The following OR2C3 variants were observed in gnomAD, a reference collection of about 807,000 sequenced individuals.
OR2C3 encodes olfactory receptor family 2 subfamily C member 3, also known as olfactory receptor 2C3.
For synonymous variants in OR2C3, 178 were observed against 163.4 expected, an observed-to-expected ratio of 1.09 and a Z score of -0.68; for missense variants, 425 against 401.5, an observed-to-expected ratio of 1.06 and a Z score of -0.50.
chr1:247,526,889 T>C lies in OR2C3; in HGVS notation c.*4660A>G. 1 of 445,054 alleles carries C rather than the reference T, an allele frequency of 2.2e-6. No homozygotes were observed. The highest frequency in any genetic ancestry group is 4.5e-6 in the Non-Finnish European group (1 of 222,212). The allele number at this position is 445,054 out of a possible 1,614,324, so 27.6% of individuals were successfully genotyped here. ...TCATTTACTATAACTTAAATCCAAG[T>C]AAGATGGGACTTCCCTCTATTTAGA... is the stretch of plus-strand genomic sequence containing the variant. On this transcript the variant is annotated 3_prime_UTR_variant, in exon 3 of 3. Transcript: ENST00000641802. The surrounding 1 kb of genome is among the most constrained non-coding windows in gnomAD (Gnocchi z 4.8).
At chr1:247,535,639 A>G (rs896161080) in intron 1 of OR2C3, among the ~76,000 whole-genome samples, 1 of 152,262 alleles carries the variant, frequency 6.6e-6, no homozygotes, top group African/African-American at 2.4e-5. Context: ...AAGGTCACTC[A>G]TGAGGTAATA....
At chr1:247,535,034 G>A (rs1253841076) in intron 1 of OR2C3, among the ~76,000 whole-genome samples, 5 of 152,142 alleles carry the variant, frequency 3.3e-5, no homozygotes, top group Admixed American at 1.3e-4. Context: ...GAGGCAAGCC[G>A]GGGGCGGTGG....
Position 247,530,516 on chromosome 1 carries a change from A to AACCC in OR2C3, c.*1032_*1033insGGGT, listed in dbSNP as rs753278779. On this transcript the variant is annotated 3_prime_UTR_variant, in exon 3 of 3. Coordinates refer to ENST00000641802, the MANE Select transcript of OR2C3 (RefSeq NM_198074.6). ...TGAACCAGTCCACAAACACCATGCC[A>AACCC]TCCCCCCCCCACAAAATAACATTTC... 2.0e-4 allele frequency: 12 copies of AACCC among 58,556 alleles called. No homozygotes were observed. Among genetic ancestry groups the AACCC allele is most frequent in the South Asian group, 1.3e-3 (1 of 754 alleles). The allele number at this position is 58,556 out of a possible 1,614,324, so 3.6% of individuals were successfully genotyped here. A position where few individuals can be genotyped will look rare whatever the true frequency, so the allele number is the denominator to read the frequency against.
In OR2C3 at chr1:247,533,672, T is replaced by C. The variant is rs915684993; in HGVS notation, c.-195A>G. 1 of 152,238 alleles carries C rather than the reference T, an allele frequency of 6.6e-6. No homozygotes were observed. The highest frequency in any genetic ancestry group is 2.4e-5 in the African/African-American group (1 of 41,456). The allele number at this position is 152,238 out of a possible 1,614,324, so 9.4% of individuals were successfully genotyped here. A position where few individuals can be genotyped will look rare whatever the true frequency, so the allele number is the denominator to read the frequency against. ...AGATCATGCCCTTCATGTTCAATCA[T>C]ATTTCTACATGGCTGTCCATATGGC... On this transcript the variant is annotated 5_prime_UTR_variant, in exon 2 of 3. It adds an upstream start codon to the 5' untranslated region. Coordinates refer to ENST00000641802, the MANE Select transcript of OR2C3 (RefSeq NM_198074.6).
Position 247,531,944 on chromosome 1 carries a change from A to G in OR2C3, c.568T>C (p.Cys190Arg), listed in dbSNP as rs1666986487. The change falls in exon 3 of 3, where the codon TGT becomes CGT. Residue 190 changes from cysteine (C) to arginine (R), a missense_variant. Coordinates refer to ENST00000641802, the MANE Select transcript of OR2C3 (RefSeq NM_198074.6). Reference sequence around the variant, plus strand: ...ATCTCATTGAGGCTGGTATCCACACAAGCCAGTTGCATAATGAGGGGCATC... The same window carrying G: ...ATCTCATTGAGGCTGGTATCCACACGAGCCAGTTGCATAATGAGGGGCATC... Reference protein sequence around the residue: ...CEMPLIMQLACVDTSLNEMEM... With the variant: ...CEMPLIMQLARVDTSLNEMEM... 1 of 1,614,148 alleles carries G rather than the reference A, an allele frequency of 6.2e-7. No individual in the cohort carries two copies. The highest frequency in any genetic ancestry group is 1.3e-5 in the African/African-American group (1 of 75,044).
In OR2C3 at chr1:247,531,792, G is replaced by A. The variant is rs1666973993; in HGVS notation, c.720C>T (p.Asn240=). ...RSAEGRRKAF[N]TCSSHVAVVS... ...CCACAGCCACGTGGGAAGAACAGGTGTTGAATGCCTTTCTCCGCCCTTCTG... is the reference window on the plus strand; with the variant it reads ...CCACAGCCACGTGGGAAGAACAGGTATTGAATGCCTTTCTCCGCCCTTCTG... The change falls in exon 3 of 3, where the codon AAC becomes AAT. Residue 240 remains asparagine (N), a synonymous_variant. Coordinates refer to ENST00000641802, the MANE Select transcript of OR2C3 (RefSeq NM_198074.6). 1 of 1,614,190 alleles carries A rather than the reference G, an allele frequency of 6.2e-7. No homozygotes were observed. The highest frequency in any genetic ancestry group is 8.5e-7 in the Non-Finnish European group (1 of 1,180,028).
At position 247,532,361 on chromosome 1, in the gene OR2C3, G is replaced by A. The variant is rs1447721619; in HGVS notation, c.151C>T (p.His51Tyr). The change falls in exon 3 of 3, where the codon CAT becomes TAT. Residue 51 changes from histidine (H) to tyrosine (Y), a missense_variant. His to Tyr is a moderately conservative substitution (Grantham distance 83, BLOSUM62 2). Transcript: ENST00000641802. Reference protein sequence around the residue: ...LGNGIIILVSHTDVHLHTPMY... With the variant: ...LGNGIIILVSYTDVHLHTPMY... ...GGTGTGTGGAGGTGCACATCTGTATGGGAGACCAGAATGATGATGCCATTG... is the reference window on the plus strand; with the variant it reads ...GGTGTGTGGAGGTGCACATCTGTATAGGAGACCAGAATGATGATGCCATTG... 1 of 1,614,018 alleles carries A rather than the reference G, an allele frequency of 6.2e-7. No homozygotes were observed. The highest frequency in any genetic ancestry group is 2.2e-5 in the East Asian group (1 of 44,876).
intron 1 of OR2C3, among the ~76,000 whole-genome samples, chr1:247,535,128 C>T (rs149075592): frequency 3.3e-5 from 5 of 152,094 alleles, no homozygotes; most frequent in Admixed American, 6.6e-5. Context: ...GCTTGGGCAA[C>T]ATAGTGAGAG....
rs1327784801 is a variant in OR2C3 at position 247,532,277 on chromosome 1, C to T, written c.235G>A (p.Val79Ile). Residue 79 changes from valine to isoleucine, a missense_variant, in exon 3 of 3, where the codon GTC (valine) becomes ATC (isoleucine). Physicochemically the swap from Val to Ile is conservative, Grantham distance 29. Coordinates refer to ENST00000641802, the MANE Select transcript of OR2C3 (RefSeq NM_198074.6). ...FLDMSFTTSI[V>I]PQLLANLWGP... ...CAGAGGTTAGCCAGGAGCTGTGGGA[C>T]AATGCTCGTGGTGAAGCTCATGTCC... is the stretch of plus-strand genomic sequence containing the variant. 1 of 1,614,050 alleles carries T rather than the reference C, an allele frequency of 6.2e-7. No homozygotes were observed. Among genetic ancestry groups the T allele is most frequent in the Non-Finnish European group, 8.5e-7 (1 of 1,180,046 alleles).
At position 247,532,091 on chromosome 1, in the gene OR2C3, G is replaced by C; in HGVS notation, c.421C>G (p.Leu141Val). Residue 141 changes from leucine (L) to valine (V), a missense_variant, in exon 3 of 3, where the codon CTT becomes GTT. Leu to Val is a conservative substitution (Grantham distance 32). Transcript: ENST00000641802. The part of the protein sequence containing the change: ...LHYTVIMHPQ[L>V]CLGLALASWL... ...GAGGCCAAAGCTAGCCCAAGGCAAAGCTGTGGATGCATAATGACAGTGTAA... is the reference window on the plus strand; with the variant it reads ...GAGGCCAAAGCTAGCCCAAGGCAAACCTGTGGATGCATAATGACAGTGTAA... 4 of 1,614,082 alleles carry C rather than the reference G, an allele frequency of 2.5e-6. No homozygotes were observed. The highest frequency in any genetic ancestry group is 2.5e-6 in the Non-Finnish European group (3 of 1,179,970).
chr1:247,535,809 G>A (rs1360486612), intron 1 of OR2C3, among the ~76,000 whole-genome samples: 2 of 152,160 alleles, frequency 1.3e-5, no homozygotes, highest in Non-Finnish European at 2.9e-5. Context: ...TTTCAGTAAA[G>A]GAAGAGGTTT....
chr1:247,531,317 A>G lies in OR2C3; in HGVS notation c.*232T>C. ...TTTACAAAACAAGATGACAGTCAAC[A>G]TGTGTATATATAGCAAAAACCAACA... is the stretch of plus-strand genomic sequence containing the variant. On this transcript the variant is annotated 3_prime_UTR_variant, in exon 3 of 3. Coordinates refer to ENST00000641802, the MANE Select transcript of OR2C3 (RefSeq NM_198074.6). 1.8e-6 allele frequency: 1 copy of G among 552,448 alleles called. No homozygotes were observed. Among genetic ancestry groups the G allele is most frequent in the Non-Finnish European group, 3.2e-6 (1 of 312,474 alleles). The allele number at this position is 552,448 out of a possible 1,614,324, so 34.2% of individuals were successfully genotyped here. A position where few individuals can be genotyped will look rare whatever the true frequency, so the allele number is the denominator to read the frequency against.
In OR2C3 at chr1:247,531,818, C is replaced by T. The variant is rs1666975944; in HGVS notation, c.694G>A (p.Ala232Thr). 4 of 1,614,076 alleles carry T rather than the reference C, an allele frequency of 2.5e-6. No homozygotes were observed. The highest frequency in any genetic ancestry group is 2.5e-6 in the Non-Finnish European group (3 of 1,180,046). ...TTGAATGCCTTTCTCCGCCCTTCTG[C>T]TGACCTGATCTTCAACACGGCCCGG... ...IARAVLKIRS[A>T]EGRRKAFNTC... Residue 232 changes from alanine to threonine, a missense_variant, in exon 3 of 3, where the codon GCA (alanine) becomes ACA (threonine). Physicochemically the swap from Ala to Thr is moderately conservative, Grantham distance 58 (BLOSUM62 0). Coordinates refer to ENST00000641802, the MANE Select transcript of OR2C3 (RefSeq NM_198074.6).
rs1305984879 is a variant in OR2C3, at chr1:247,525,899, A to T, written c.*5650T>A. 1 of 152,214 alleles carries T rather than the reference A, an allele frequency of 6.6e-6. No homozygotes were observed. The highest frequency in any genetic ancestry group is 1.5e-5 in the Non-Finnish European group (1 of 68,040). The allele number at this position is 152,214 out of a possible 1,614,324, so 9.4% of individuals were successfully genotyped here. On this transcript the variant is annotated 3_prime_UTR_variant, in exon 3 of 3. Transcript: ENST00000641802. ...TTAACATACAAGTACCACTTTAAGG[A>T]ATCCAAGGATTTTAGTAGTTGTATG...
In OR2C3 at chr1:247,531,341, C is replaced by T. The variant is rs1666943119; in HGVS notation, c.*208G>A. ...CATGTGTATATATAGCAAAAACCAACAACGCAATTGAACAAAACTATGATA... is the reference window on the plus strand; with the variant it reads ...CATGTGTATATATAGCAAAAACCAATAACGCAATTGAACAAAACTATGATA... On this transcript the variant is annotated 3_prime_UTR_variant, in exon 3 of 3. Transcript: ENST00000641802. 2 of 593,444 alleles carry T rather than the reference C, an allele frequency of 3.4e-6. No individual in the cohort carries two copies. Among genetic ancestry groups the T allele is most frequent in the Non-Finnish European group, 5.9e-6 (2 of 338,228 alleles). 36.8% of individuals were successfully genotyped at this position (593,444 alleles called of 1,614,324 possible). A position where few individuals can be genotyped will look rare whatever the true frequency, so the allele number is the denominator to read the frequency against.
chr1:247,532,312 A>G lies in OR2C3; in HGVS notation c.200T>C (p.Leu67Pro). The change falls in exon 3 of 3, where the codon CTC becomes CCC. Residue 67 changes from leucine (L) to proline (P), a missense_variant. Transcript: ENST00000641802. ...GGTGAAGCTCATGTCCAGGAAGGGG[A>G]GGTTGGCAAGAAAGAAGTACATAGG... ...HTPMYFFLAN[L>P]PFLDMSFTTS... The G allele has an allele frequency of 6.2e-7, 1 of 1,614,132 alleles. No homozygotes were observed. The highest frequency in any genetic ancestry group is 8.5e-7 in the Non-Finnish European group (1 of 1,180,020).
rs1368448750 is a variant in OR2C3, at chr1:247,527,097, G to C, written c.*4452C>G. ...AGTGTATTTCCTTGGGTTCTGGAGA[G>C]GATGTCTTCATTTTCTGTTAAGCAT... On this transcript the variant is annotated 3_prime_UTR_variant, in exon 3 of 3. Transcript: ENST00000641802. The surrounding 1 kb of genome is among the most constrained non-coding windows in gnomAD (Gnocchi z 4.6). The C allele has an allele frequency of 4.4e-6, 2 of 455,922 alleles. No homozygotes were observed. Among genetic ancestry groups the C allele is most frequent in the African/African-American group, 4.0e-5 (2 of 50,024 alleles). The allele number at this position is 455,922 out of a possible 1,614,324, so 28.2% of individuals were successfully genotyped here.
rs1049872465 is a variant in OR2C3, at chr1:247,525,452, G to A, written c.*6097C>T. ...CTGGGTTACCACAGCCCCCTTCTTG[G>A]GTTCAATTAATTTGCTAGAGCAGCC... On this transcript the variant is annotated 3_prime_UTR_variant, in exon 3 of 3. Transcript: ENST00000641802. The A allele has an allele frequency of 6.6e-6, 1 of 152,208 alleles. No homozygotes were observed. The highest frequency in any genetic ancestry group is 2.4e-5 in the African/African-American group (1 of 41,448). 9.4% of individuals were successfully genotyped at this position (152,208 alleles called of 1,614,324 possible). A position where few individuals can be genotyped will look rare whatever the true frequency, so the allele number is the denominator to read the frequency against.
rs1666697060 is a variant in OR2C3 at position 247,526,744 on chromosome 1, T to C, written c.*4805A>G. On this transcript the variant is annotated 3_prime_UTR_variant, in exon 3 of 3. Coordinates refer to ENST00000641802, the MANE Select transcript of OR2C3 (RefSeq NM_198074.6). This position sits in a 1 kb window ranked among gnomAD's most constrained non-coding sequence, Gnocchi z 4.8. ...TGTGAGAAGCCATCAAAGCCTATGG[T>C]TGCTGCAAGAGGAATAAAAGAAAAG... 8.4e-6 allele frequency: 3 copies of C among 358,468 alleles called. No individual in the cohort carries two copies. Among genetic ancestry groups the C allele is most frequent in the Non-Finnish European group, 1.6e-5 (3 of 184,316 alleles). The allele number at this position is 358,468 out of a possible 1,614,324, so 22.2% of individuals were successfully genotyped here. A position where few individuals can be genotyped will look rare whatever the true frequency, so the allele number is the denominator to read the frequency against.
Sources: gnomAD v4.1 joint callset for allele counts (sites outside exome capture counted in the v4.1 genomes callset) on GRCh38, gnomAD v4.1.1 for gene constraint, Gnocchi (gnomAD v3.1) non-coding constraint, MANE v1.5 for transcripts, NCBI Gene and HGNC (gene_info 2026-07-23, HGNC 2026-07-21) for gene names.